The following USP12 variants were observed in gnomAD, a reference collection of about 807,000 sequenced individuals.
USP12 encodes ubiquitin carboxyl-terminal hydrolase 12.
Under a neutral mutation model 45.5 loss-of-function variants are expected in USP12, and 19 were observed. The ratio of observed to expected loss-of-function variants is 0.42; its 90% CI spans 0.29 to 0.61. USP12 has a LOEUF of 0.61. USP12 is among the 20% of genes least tolerant of loss of function. USP12 has a pLI of 0.22. For synonymous variants in USP12, 149 were observed against 148.8 expected (o/e 1.00, Z -0.01); for missense variants, 242 against 447.7 (o/e 0.54, Z 4.15).
At chr13:27,073,448 A>C (rs1873335494) in intron 7 of USP12, among the ~76,000 whole-genome samples, 1 of 152,208 alleles carries the variant, frequency 6.6e-6, no homozygotes, top group Non-Finnish European at 1.5e-5. Context: ...AGTGAGGCCA[A>C]AGAAAAGGTT....
intron 1 of USP12, among the ~76,000 whole-genome samples, chr13:27,145,028 C>G (rs1194588756): frequency 1.3e-5 from 2 of 152,212 alleles, no homozygotes; most frequent in Non-Finnish European, 2.9e-5. Flanking sequence ...GATCGCACCA[C>G]TGCATTCCAG....
At chr13:27,077,400 G>A (rs1056970553) in intron 6 of USP12, 1 of 152,156 alleles carries the variant, frequency 6.6e-6, no homozygotes, top group Non-Finnish European at 1.5e-5. Flanking sequence ...GAAAGAGAAT[G>A]AACATGGCCC....
At position 27,125,067 on chromosome 13, in the gene USP12, C is replaced by T. The variant is rs530462002; in HGVS notation, c.49-8471G>A. Among the ~76,000 whole-genome samples, 8 of 152,258 alleles carry T rather than the reference C, an allele frequency of 5.3e-5. No homozygotes were observed. In the East Asian group the frequency reaches 1.5e-3, roughly 29 times the overall value. On this transcript the variant is annotated intron_variant, in intron 1 of 8. Coordinates refer to ENST00000282344, the MANE Select transcript of USP12 (RefSeq NM_182488.4). ...GACACCCATTAGTGAGTGGTGAGGTCTTTGCAGTGGACCACTACCATCTTC... is the reference window on the plus strand; with the variant it reads ...GACACCCATTAGTGAGTGGTGAGGTTTTTGCAGTGGACCACTACCATCTTC...
chr13:27,088,326 G>A (rs907181615), intron 6 of USP12, among the ~76,000 whole-genome samples: 1 of 147,236 alleles, frequency 6.8e-6, no homozygotes, highest in Non-Finnish European at 1.5e-5. Context: ...TGAGGCAGGA[G>A]AATGGCGTGA....
intron 1 of USP12, among the ~76,000 whole-genome samples, chr13:27,171,010 G>A (rs1593221857): frequency 6.6e-6 from 1 of 152,298 alleles, no homozygotes; most frequent in East Asian, 1.9e-4. Context: ...GAGGAAATCT[G>A]CACTTGACTT....
At chr13:27,070,501 TTAA>T (rs1257072940) in intron 8 of USP12, among the ~76,000 whole-genome samples, 7 of 149,690 alleles carry the variant, frequency 4.7e-5, no homozygotes, top group African/African-American at 1.7e-4. Context: ...GTTACATGGC[TTAA>T]TTTTTTTTTT....
intron 1 of USP12, among the ~76,000 whole-genome samples, chr13:27,160,776 T>C (rs1182154181): frequency 6.6e-6 from 1 of 151,340 alleles, no homozygotes; most frequent in Non-Finnish European, 1.5e-5. Context: ...CAAAGCATCA[T>C]GTTTCTTTTT....
chr13:27,125,203 T>C (rs952969936), intron 1 of USP12, among the ~76,000 whole-genome samples: 1 of 152,202 alleles, frequency 6.6e-6, no homozygotes, highest in African/African-American at 2.4e-5. Flanking sequence ...TTCATATTAT[T>C]TATCACTCTA....
At chr13:27,074,257 G>A (rs913509967) in intron 7 of USP12, among the ~76,000 whole-genome samples, 3 of 152,086 alleles carry the variant, frequency 2.0e-5, no homozygotes, top group African/African-American at 7.2e-5. Context: ...AAAATTAGCC[G>A]GGCGTGGTGG....
intron 1 of USP12, among the ~76,000 whole-genome samples, chr13:27,125,849 G>A (rs1195892312): frequency 2.0e-5 from 3 of 152,236 alleles, no homozygotes; most frequent in Non-Finnish European, 2.9e-5. Context: ...AGCCTTGCTC[G>A]CTGCTAGCAC....
chr13:27,074,767 C>T (rs1873400242), intron 7 of USP12, among the ~76,000 whole-genome samples: 2 of 152,162 alleles, frequency 1.3e-5, no homozygotes, highest in African/African-American at 4.8e-5. Flanking sequence ...AATACACACA[C>T]AGGTAAAATC....
chr13:27,166,509 C>A (rs17085261), intron 1 of USP12, among the ~76,000 whole-genome samples: 3,329 of 152,228 alleles, frequency 0.022, 122 homozygotes, highest in African/African-American at 0.076. Flanking sequence ...CATCTCGCTG[C>A]AACTGGCCAA....
intron 1 of USP12, among the ~76,000 whole-genome samples, chr13:27,154,278 G>C (rs75256486): frequency 0.042 from 6,372 of 152,238 alleles, 162 homozygotes; most frequent in Admixed American, 0.076. Context: ...ATACTCTGTT[G>C]AGCAAGGGCA....
rs951646088 is a variant in USP12 at position 27,158,986 on chromosome 13, G to A, written c.48+12606C>T. ...AATACCTCATGTTTGTATATGCACAGGTAATGTCTGGCAATAAACACACAC... is the reference window on the plus strand; with the variant it reads ...AATACCTCATGTTTGTATATGCACAAGTAATGTCTGGCAATAAACACACAC... On this transcript the variant is annotated intron_variant, in intron 1 of 8. Coordinates refer to ENST00000282344, the MANE Select transcript of USP12 (RefSeq NM_182488.4). Among the ~76,000 whole-genome samples the A allele has an allele frequency of 3.9e-5, 6 of 152,136 alleles. No individual in the cohort carries two copies. In the South Asian group the frequency reaches 1.2e-3, roughly 31 times the overall value.
intron 1 of USP12, among the ~76,000 whole-genome samples, chr13:27,151,176 A>G (rs1270496789): frequency 2.6e-5 from 4 of 151,994 alleles, no homozygotes; most frequent in African/African-American, 7.3e-5. Context: ...TAAAAATACA[A>G]AAAAATTAGC....
At chr13:27,155,062 A>G (rs563362746) in intron 1 of USP12, among the ~76,000 whole-genome samples, 1 of 106,986 alleles carries the variant, frequency 9.3e-6, no homozygotes, top group African/African-American at 3.8e-5. Context: ...TCTGATGTCC[A>G]CAACTTTTTT....
chr13:27,165,130 T>C (rs1355291800), intron 1 of USP12, among the ~76,000 whole-genome samples: 1 of 151,994 alleles, frequency 6.6e-6, no homozygotes. Context: ...GCAAAAGTAA[T>C]TGTGGTTTTT....
chr13:27,131,024 CAA>C (rs1876474643), intron 1 of USP12, among the ~76,000 whole-genome samples: 1 of 152,144 alleles, frequency 6.6e-6, no homozygotes. Flanking sequence ...ATAGAAATAA[CAA>C]GAGCTGAATG....
chr13:27,105,164 G>A (rs1875069189), intron 3 of USP12, among the ~76,000 whole-genome samples: 1 of 152,202 alleles, frequency 6.6e-6, no homozygotes, highest in African/African-American at 2.4e-5. Context: ...AAAAAGAAAA[G>A]GGAGGTGGGG....
Sources: gnomAD v4.1 joint callset for allele counts (sites outside exome capture counted in the v4.1 genomes callset) on GRCh38, gnomAD v4.1.1 for gene constraint, MANE v1.5 for transcripts, NCBI Gene and HGNC (gene_info 2026-07-23, HGNC 2026-07-21) for gene names.